Variants in PACRG observed in about 807,000 individuals in gnomAD.
PACRG encodes parkin coregulated, also known as parkin coregulated gene protein.
In PACRG, 29 loss-of-function variants were observed where a neutral mutation model predicts 29.7. That is an observed-to-expected ratio of 0.98 (90% CI 0.73 to 1.33). The LOEUF (loss-of-function observed/expected upper bound fraction) is 1.33, where lower values mean the gene tolerates loss of function less well. PACRG is among the 40% of genes most tolerant of loss of function. The pLI is 0.00. For synonymous variants in PACRG, 116 were observed against 118.7 expected (o/e 0.98, Z 0.15); for missense variants, 279 against 316.2 (o/e 0.88, Z 0.89).
rs1810509313 is a variant in PACRG, at chr6:163,055,592, G to C, written c.292-6558G>C. Among the ~76,000 whole-genome samples, 1 of 152,010 alleles carries C rather than the reference G, an allele frequency of 6.6e-6. No homozygotes were observed. The highest frequency in any genetic ancestry group is 1.5e-5 in the Non-Finnish European group (1 of 67,976). On this transcript the variant is annotated intron_variant, in intron 2 of 4. Coordinates refer to ENST00000366888, the MANE Select transcript of PACRG (RefSeq NM_001080379.2). This position sits in a 1 kb window ranked among gnomAD's most constrained non-coding sequence, Gnocchi z 4.0. The stretch of plus-strand genomic sequence containing the variant: ...GAACTGTATCTACTGTGTTAAAAAA[G>C]TTTGTGTCTCAAAATATAATGGCAA...
intron 2 of PACRG, among the ~76,000 whole-genome samples, chr6:162,836,391 A>G (rs578093309): frequency 2.4e-4 from 37 of 152,186 alleles, no homozygotes; most frequent in Non-Finnish European, 3.8e-4. Context: ...CTCAATATCC[A>G]TAACTGTTGC....
intron 3 of PACRG, among the ~76,000 whole-genome samples, chr6:163,079,107 C>A (rs1211806536): frequency 6.6e-6 from 1 of 152,112 alleles, no homozygotes; most frequent in African/African-American, 2.4e-5. Context: ...TGCCCAGAGA[C>A]ACTGTAAGGA....
At chr6:163,286,044 T>C (rs1451909040) in intron 4 of PACRG, among the ~76,000 whole-genome samples, 2 of 152,214 alleles carry the variant, frequency 1.3e-5, no homozygotes, top group Non-Finnish European at 2.9e-5. Flanking sequence ...AGTATGCATA[T>C]TTTGGAGCAT....
In PACRG at chr6:163,190,240, C is replaced by G. The variant is rs114370187; in HGVS notation, c.613+100832C>G. On this transcript the variant is annotated intron_variant, in intron 4 of 4. Coordinates refer to ENST00000366888, the MANE Select transcript of PACRG (RefSeq NM_001080379.2). ...AAACTTGCCTAAATATAATACAAAT[C>G]GAATCTTCAATGAGGACTACACATT... 4.6e-5 allele frequency: 7 copies of G among 152,242 alleles called. No individual in the cohort carries two copies. The South Asian group carries it at 1.0e-3, about 23-fold the overall frequency. 9.4% of individuals were successfully genotyped at this position (152,242 alleles called of 1,614,324 possible). A position where few individuals can be genotyped will look rare whatever the true frequency, so the allele number is the denominator to read the frequency against.
chr6:162,940,241 A>G (rs749060502), intron 2 of PACRG, among the ~76,000 whole-genome samples: 2 of 152,214 alleles, frequency 1.3e-5, no homozygotes, highest in Non-Finnish European at 2.9e-5. Context: ...GAAAAACTTA[A>G]GAGAGAACTC....
chr6:162,947,243 T>A lies in PACRG; in HGVS notation c.292-114907T>A, dbSNP rs567997755. 8.9e-5 allele frequency among the ~76,000 whole-genome samples: 13 copies of A among 145,326 alleles called. No homozygotes were observed. In the East Asian group the frequency reaches 2.4e-3, roughly 27 times the overall value. The stretch of plus-strand genomic sequence containing the variant: ...TATATCTATATATAATATAGATATA[T>A]AAACATATATCATATATAATCTATA... On this transcript the variant is annotated intron_variant, in intron 2 of 4. Coordinates refer to ENST00000366888, the MANE Select transcript of PACRG (RefSeq NM_001080379.2).
At chr6:163,107,614 T>C (rs57049187) in intron 4 of PACRG, among the ~76,000 whole-genome samples, 6,302 of 152,300 alleles carry the variant, frequency 0.041, 463 homozygotes, top group African/African-American at 0.14. Flanking sequence ...GGGGGCTTCA[T>C]TTGGCTGTCT....
intron 2 of PACRG, among the ~76,000 whole-genome samples, chr6:162,848,223 A>G (rs939573103): frequency 1.3e-5 from 2 of 152,218 alleles, no homozygotes; most frequent in Non-Finnish European, 2.9e-5. Context: ...TCTGTGAGCA[A>G]CAGACAAACT....
intron 4 of PACRG, among the ~76,000 whole-genome samples, chr6:163,237,548 A>G: frequency 6.6e-6 from 1 of 152,200 alleles, no homozygotes; most frequent in East Asian, 1.9e-4. Flanking sequence ...TGTAAGGCCA[A>G]CGGTAACATT....
chr6:162,986,881 C>G (rs907872091), intron 2 of PACRG, among the ~76,000 whole-genome samples: 1 of 151,634 alleles, frequency 6.6e-6, no homozygotes, highest in African/African-American at 2.4e-5. Context: ...ATTGTTTTTT[C>G]TTTATGATAT....
chr6:163,299,008 T>G (rs1303977871), intron 4 of PACRG, among the ~76,000 whole-genome samples: 1 of 152,184 alleles, frequency 6.6e-6, no homozygotes, highest in East Asian at 1.9e-4. Context: ...GACTTCTCAC[T>G]CTGAAGTACT....
intron 4 of PACRG, among the ~76,000 whole-genome samples, chr6:163,223,998 C>T (rs923040907): frequency 6.6e-6 from 1 of 152,068 alleles, no homozygotes; most frequent in Non-Finnish European, 1.5e-5. Context: ...GCATTTTTCA[C>T]AGAAATAGGA....
intron 4 of PACRG, among the ~76,000 whole-genome samples, chr6:163,292,993 G>A (rs113201032): frequency 5.3e-5 from 8 of 152,210 alleles, no homozygotes; most frequent in African/African-American, 1.9e-4. Context: ...GATTGATCCC[G>A]AATGTAAAAA....
chr6:162,731,944 G>A (rs1779802250), intron 1 of PACRG, among the ~76,000 whole-genome samples: 1 of 152,020 alleles, frequency 6.6e-6, no homozygotes, highest in Admixed American at 6.6e-5. Context: ...CAGGTGCAGG[G>A]GCATAGGAGC....
intron 4 of PACRG, among the ~76,000 whole-genome samples, chr6:163,313,534 C>T (rs144509994): frequency 3.9e-4 from 59 of 152,252 alleles, no homozygotes; most frequent in Non-Finnish European, 8.1e-4. Flanking sequence ...TTAAATGTCT[C>T]GAATGACTAA....
At chr6:163,040,714 A>G (rs1461217154) in intron 2 of PACRG, among the ~76,000 whole-genome samples, 1 of 152,182 alleles carries the variant, frequency 6.6e-6, no homozygotes, top group Admixed American at 6.5e-5. Flanking sequence ...TCAGACTTTC[A>G]TGGGGCCTGT....
intron 4 of PACRG, among the ~76,000 whole-genome samples, chr6:163,113,778 T>A (rs373633214): frequency 2.8e-4 from 42 of 151,962 alleles, no homozygotes; most frequent in Non-Finnish European, 5.6e-4. Context: ...CAGATTGAAA[T>A]GACTAGAAAT....
At chr6:163,038,757 C>T (rs1808426726) in intron 2 of PACRG, among the ~76,000 whole-genome samples, 2 of 152,130 alleles carry the variant, frequency 1.3e-5, no homozygotes, top group Admixed American at 1.3e-4. Flanking sequence ...CTCTACGCAA[C>T]AGGCACTGCT....
chr6:162,952,384 T>C (rs1161165440), intron 2 of PACRG, among the ~76,000 whole-genome samples: 2 of 152,172 alleles, frequency 1.3e-5, no homozygotes, highest in Non-Finnish European at 2.9e-5. Flanking sequence ...TATAACCCTT[T>C]CCTCTTTAAT....
Sources: gnomAD v4.1 joint callset for allele counts (sites outside exome capture counted in the v4.1 genomes callset) on GRCh38, gnomAD v4.1.1 for gene constraint, Gnocchi (gnomAD v3.1) non-coding constraint, MANE v1.5 for transcripts, NCBI Gene and HGNC (gene_info 2026-07-23, HGNC 2026-07-21) for gene names.